The following ALK variants were observed in gnomAD, a reference collection of about 807,000 sequenced individuals.
ALK encodes the protein ALK receptor tyrosine kinase.
In ALK, 74 loss-of-function variants were observed where a neutral mutation model predicts 163.1. That is an observed-to-expected ratio of 0.45 (90% CI 0.38 to 0.55). The LOEUF (loss-of-function observed/expected upper bound fraction) is 0.55, where lower values mean the gene tolerates loss of function less well. Among genes scored for constraint, ALK ranks in the 20% least tolerant of loss-of-function variants. The probability of loss-of-function intolerance (pLI) is 0.00; values close to 1 mark genes in which losing one functional copy is unlikely to be tolerated. For missense variants in ALK, 2,063 were observed against 2,105.3 expected (o/e 0.98, Z 0.39); for synonymous variants, 960 against 843.2 (o/e 1.14, Z -2.40).
At chr2:29,792,432 C>T (rs1664210919) in intron 1 of ALK, among the ~76,000 whole-genome samples, 1 of 152,108 alleles carries the variant, frequency 6.6e-6, no homozygotes, top group South Asian at 2.1e-4. Context: ...GGGAAAAACT[C>T]ATTTGAACCC....
At chr2:29,355,643 A>G (rs1668229976) in intron 5 of ALK, among the ~76,000 whole-genome samples, 1 of 152,198 alleles carries the variant, frequency 6.6e-6, no homozygotes, top group Admixed American at 6.5e-5. Context: ...TAGCTACAGG[A>G]AGCAGTTCTG....
chr2:29,783,505 C>T (rs1663900928), intron 1 of ALK, among the ~76,000 whole-genome samples: 1 of 152,148 alleles, frequency 6.6e-6, no homozygotes, highest in African/African-American at 2.4e-5. Flanking sequence ...AAAATTAGAT[C>T]AAAGACCCAC....
chr2:29,447,131 T>C (rs568340161), intron 4 of ALK, among the ~76,000 whole-genome samples: 2 of 152,236 alleles, frequency 1.3e-5, no homozygotes, highest in East Asian at 3.9e-4. Flanking sequence ...GGCAAACACG[T>C]GGGTGGAGGT....
chr2:29,575,935 T>G (rs1019431751), intron 3 of ALK, among the ~76,000 whole-genome samples: 2 of 151,986 alleles, frequency 1.3e-5, no homozygotes, highest in African/African-American at 4.8e-5. Context: ...ACACCAGAGG[T>G]TGATGCAGAG....
At chr2:29,824,373 T>C (rs1478727289) in intron 1 of ALK, among the ~76,000 whole-genome samples, 2 of 152,284 alleles carry the variant, frequency 1.3e-5, no homozygotes, top group African/African-American at 4.8e-5. Flanking sequence ...TGTGAGAAGA[T>C]GGCCACTGTC....
At chr2:29,608,823 T>C (rs1334795349) in intron 3 of ALK, among the ~76,000 whole-genome samples, 1 of 152,220 alleles carries the variant, frequency 6.6e-6, no homozygotes, top group Non-Finnish European at 1.5e-5. Flanking sequence ...AAGGCAACTT[T>C]CTCAGCTCTC....
rs1033838545 is a variant in ALK at position 29,848,748 on chromosome 2, G to T, written c.667+71245C>A. Among the ~76,000 whole-genome samples, 7 of 152,150 alleles carry T rather than the reference G, an allele frequency of 4.6e-5. No individual in the cohort carries two copies. In the East Asian group the frequency reaches 1.2e-3, roughly 25 times the overall value. ...ATGTCGCTCTGAAGGCTAGGTGAAG[G>T]TCTTGAGCACATATCCTGCGGGCTG... is the stretch of plus-strand genomic sequence containing the variant. On this transcript the variant is annotated intron_variant, in intron 1 of 28. Coordinates refer to ENST00000389048, the MANE Select transcript of ALK (RefSeq NM_004304.5).
At chr2:29,310,941 G>C (rs1317656324) in intron 8 of ALK, among the ~76,000 whole-genome samples, 3 of 152,188 alleles carry the variant, frequency 2.0e-5, no homozygotes, top group Non-Finnish European at 4.4e-5. Flanking sequence ...ACTGGAAGTG[G>C]GGCCCAAATC....
chr2:29,392,801 G>A (rs1669207449), intron 4 of ALK, among the ~76,000 whole-genome samples: 1 of 152,182 alleles, frequency 6.6e-6, no homozygotes, highest in Non-Finnish European at 1.5e-5. Flanking sequence ...TTTGCTTGCT[G>A]GATTAGCACA....
intron 1 of ALK, among the ~76,000 whole-genome samples, chr2:29,827,618 A>G (rs1319562280): frequency 6.6e-6 from 1 of 152,230 alleles, no homozygotes; most frequent in South Asian, 2.1e-4. Context: ...TCCTACTAAG[A>G]AACTGATTCC....
chr2:29,551,716 C>A (rs973338228), intron 3 of ALK, among the ~76,000 whole-genome samples: 18 of 152,170 alleles, frequency 1.2e-4, no homozygotes, highest in East Asian at 5.8e-4. Context: ...AAATATATGA[C>A]TCTACACACA....
chr2:29,592,164 G>A (rs766374748), intron 3 of ALK, among the ~76,000 whole-genome samples: 24 of 152,032 alleles, frequency 1.6e-4, no homozygotes, highest in African/African-American at 2.4e-4. Context: ...GGTACTCAGC[G>A]GGTCCCAGAG....
At chr2:29,791,645 A>C (rs561897963) in intron 1 of ALK, among the ~76,000 whole-genome samples, 13 of 152,202 alleles carry the variant, frequency 8.5e-5, no homozygotes, top group African/African-American at 3.1e-4. Flanking sequence ...ATATATATAT[A>C]TATTTCCAAA....
intron 4 of ALK, among the ~76,000 whole-genome samples, chr2:29,502,298 C>T (rs901602400): frequency 1.3e-5 from 2 of 152,144 alleles, no homozygotes; most frequent in Non-Finnish European, 2.9e-5. Context: ...CCTAACAGAG[C>T]TTTGTACAGA....
chr2:29,389,342 G>A (rs892882502), intron 4 of ALK, among the ~76,000 whole-genome samples: 3 of 152,290 alleles, frequency 2.0e-5, no homozygotes, highest in South Asian at 4.1e-4. Context: ...TCTTGAGGAC[G>A]GGTTGTGAAG....
chr2:29,297,060 G>A lies in ALK; in HGVS notation c.1648-3C>T. 2 of 1,614,190 alleles carry A rather than the reference G, an allele frequency of 1.2e-6. No individual in the cohort carries two copies. Among genetic ancestry groups the A allele is most frequent in the South Asian group, 2.2e-5 (2 of 91,078 alleles). On this transcript the variant is annotated splice_region_variant and splice_polypyrimidine_tract_variant and intron_variant, in intron 8 of 28. Transcript: ENST00000389048. Reference sequence around the variant, plus strand: ...CGAATGAGCCAGGACATTCGGAGCTGTGAGGGCGAGAAGAGTCAGAGGACA... The same window carrying A: ...CGAATGAGCCAGGACATTCGGAGCTATGAGGGCGAGAAGAGTCAGAGGACA...
intron 4 of ALK, among the ~76,000 whole-genome samples, chr2:29,443,717 G>C (rs1296519243): frequency 2.0e-5 from 3 of 152,126 alleles, no homozygotes. Flanking sequence ...ACAGGTTGTG[G>C]GCATAAACTG....
At chr2:29,447,600 A>C (rs1670718830) in intron 4 of ALK, among the ~76,000 whole-genome samples, 1 of 152,204 alleles carries the variant, frequency 6.6e-6, no homozygotes, top group Non-Finnish European at 1.5e-5. Context: ...CCTTCTCTCC[A>C]CAGTCAGCTT....
At chr2:29,272,185 G>GGAGGGAGAGAGAGAGAGA (rs1553402255) in intron 11 of ALK, among the ~76,000 whole-genome samples, 629 of 145,206 alleles carry the variant, frequency 4.3e-3, no homozygotes, top group Middle Eastern at 7.1e-3. Flanking sequence ...GTCGGGTGAG[G>GGAGGGAGAGAGAGAGAGA]GAGAGAGAGA....
Sources: gnomAD v4.1 joint callset for allele counts (sites outside exome capture counted in the v4.1 genomes callset) on GRCh38, gnomAD v4.1.1 for gene constraint, MANE v1.5 for transcripts, NCBI Gene and HGNC (gene_info 2026-07-23, HGNC 2026-07-21) for gene names.